The following GABRB1 variants were observed in gnomAD, a reference collection of about 807,000 sequenced individuals.
The protein encoded by GABRB1 is gamma-aminobutyric acid type A receptor subunit beta1.
A neutral mutation model predicts 51.6 loss-of-function variants in GABRB1; 17 were observed. The ratio of observed to expected loss-of-function variants is 0.33; its 90% CI spans 0.23 to 0.49. GABRB1 has a LOEUF of 0.49. GABRB1 is among the 20% of genes least tolerant of loss of function. The pLI, the probability that GABRB1 is intolerant of heterozygous loss-of-function variation, is 0.99. For missense variants in GABRB1, 410 were observed against 600.6 expected, an observed-to-expected ratio of 0.68 and a Z score of 3.32; for synonymous variants, 247 against 218.9, an observed-to-expected ratio of 1.13 and a Z score of -1.14.
chr4:47,250,133 T>C (rs979585937), intron 4 of GABRB1, among the ~76,000 whole-genome samples: 1 of 152,210 alleles, frequency 6.6e-6, no homozygotes, highest in African/African-American at 2.4e-5. Context: ...ACAGTTCTTA[T>C]AGTGGTGGCT....
intron 5 of GABRB1, among the ~76,000 whole-genome samples, chr4:47,347,644 AT>A (rs1456812790): frequency 1.3e-5 from 2 of 152,190 alleles, no homozygotes; most frequent in East Asian, 3.8e-4. Flanking sequence ...TGAAAAAAAA[AT>A]GATGTCTGAC....
intron 3 of GABRB1, among the ~76,000 whole-genome samples, chr4:47,036,339 C>G (rs1405415057): frequency 1.3e-5 from 2 of 152,172 alleles, no homozygotes; most frequent in African/African-American, 2.4e-5. Context: ...TGACTCAAAA[C>G]AGTAACTGCT....
chr4:47,152,943 T>C lies in GABRB1; in HGVS notation c.241-8306T>C, dbSNP rs73136318. Reference sequence around the variant, plus strand: ...AATGCAAGCACTTATTAAACTGATATCCTCCTACTCGATCATTTTGTATCC... The same window carrying C: ...AATGCAAGCACTTATTAAACTGATACCCTCCTACTCGATCATTTTGTATCC... On this transcript the variant is annotated intron_variant, in intron 3 of 8. Coordinates refer to ENST00000295454, the MANE Select transcript of GABRB1 (RefSeq NM_000812.4). 8.6e-3 allele frequency among the ~76,000 whole-genome samples: 1,307 copies of C among 152,090 alleles called. 21 individuals carry two copies. The highest frequency in any genetic ancestry group is 0.03 in the African/African-American group (1,227 of 41,520).
chr4:47,401,399 G>C (rs1728379188), intron 5 of GABRB1, among the ~76,000 whole-genome samples: 1 of 152,206 alleles, frequency 6.6e-6, no homozygotes, highest in South Asian at 2.1e-4. Context: ...GATGACAGAA[G>C]TTCCTCCAGA....
chr4:47,256,856 G>C (rs996995702), intron 4 of GABRB1, among the ~76,000 whole-genome samples: 7 of 152,150 alleles, frequency 4.6e-5, no homozygotes, highest in African/African-American at 1.7e-4. Context: ...ATTTGGACGT[G>C]GACACAAATC....
chr4:47,034,115 G>C, intron 3 of GABRB1, among the ~76,000 whole-genome samples: 1 of 152,058 alleles, frequency 6.6e-6, no homozygotes, highest in East Asian at 1.9e-4. Context: ...TATCTTGTAA[G>C]CATCCACAGA....
intron 3 of GABRB1, among the ~76,000 whole-genome samples, chr4:47,048,372 A>G (rs1490667504): frequency 6.6e-6 from 1 of 152,152 alleles, no homozygotes; most frequent in African/African-American, 2.4e-5. Context: ...TAATTAATGA[A>G]GAGGAGACAC....
chr4:47,391,930 G>C (rs528880596), intron 5 of GABRB1, among the ~76,000 whole-genome samples: 22 of 152,156 alleles, frequency 1.4e-4, no homozygotes, highest in Non-Finnish European at 3.2e-4. Context: ...AAAGGGTAGA[G>C]ATAAACACAA....
intron 4 of GABRB1, among the ~76,000 whole-genome samples, chr4:47,285,601 C>A (rs987310370): frequency 1.3e-5 from 2 of 152,144 alleles, no homozygotes. Context: ...GGAGTTGGTT[C>A]CTAGAGTGGT....
chr4:47,252,218 T>C (rs1019918623), intron 4 of GABRB1, among the ~76,000 whole-genome samples: 10 of 151,888 alleles, frequency 6.6e-5, no homozygotes, highest in Non-Finnish European at 1.2e-4. Context: ...CCCCTGTATT[T>C]CTCTTGGGTC....
At chr4:47,139,977 A>G (rs1436301645) in intron 3 of GABRB1, among the ~76,000 whole-genome samples, 1 of 152,018 alleles carries the variant, frequency 6.6e-6, no homozygotes, top group Non-Finnish European at 1.5e-5. Flanking sequence ...TAATCTATGG[A>G]AAAATGAAGA....
chr4:47,100,082 A>AG (rs1714655288), intron 3 of GABRB1, among the ~76,000 whole-genome samples: 2 of 152,000 alleles, frequency 1.3e-5, no homozygotes, highest in African/African-American at 4.8e-5. Flanking sequence ...AAAAGACTTA[A>AG]GGGGGTGTTT....
chr4:47,187,156 T>C (rs1043152034), intron 4 of GABRB1, among the ~76,000 whole-genome samples: 1 of 151,776 alleles, frequency 6.6e-6, no homozygotes, highest in Non-Finnish European at 1.5e-5. Flanking sequence ...ACAGCTTACC[T>C]ATGATCCCCT....
At chr4:47,361,843 G>A (rs1426141251) in intron 5 of GABRB1, among the ~76,000 whole-genome samples, 1 of 152,136 alleles carries the variant, frequency 6.6e-6, no homozygotes, top group Non-Finnish European at 1.5e-5. Flanking sequence ...TTGAACTTGA[G>A]GTGGCTTTAA....
intron 3 of GABRB1, among the ~76,000 whole-genome samples, chr4:47,152,179 A>G (rs563383250): frequency 8.5e-4 from 129 of 152,072 alleles, no homozygotes; most frequent in African/African-American, 2.9e-3. Context: ...GAAAGTCTCC[A>G]TTTATGTTTT....
chr4:47,112,611 A>G (rs2109630595), intron 3 of GABRB1, among the ~76,000 whole-genome samples: 1 of 152,348 alleles, frequency 6.6e-6, no homozygotes, highest in Non-Finnish European at 1.5e-5. Flanking sequence ...AAACATATAT[A>G]GAAAGTGCAT....
At chr4:47,032,180 G>A (rs921569079) in intron 2 of GABRB1, among the ~76,000 whole-genome samples, 175 bp downstream of exon 2, 3 of 147,140 alleles carry the variant, frequency 2.0e-5, no homozygotes, top group Non-Finnish European at 4.5e-5. Context: ...CCCAGTCTCA[G>A]GTGGATGAAT....
intron 1 of GABRB1, among the ~76,000 whole-genome samples, chr4:47,012,350 C>G (rs1203270946): frequency 6.6e-6 from 1 of 152,094 alleles, no homozygotes; most frequent in East Asian, 1.9e-4. Flanking sequence ...CCTCCTCCCA[C>G]CCTCCACCCT....
rs1728267516 is a variant in GABRB1, at chr4:47,398,649, A to G, written c.545-4669A>G. On this transcript the variant is annotated intron_variant, in intron 5 of 8. Transcript: ENST00000295454. ...GCCCAGGATGGAGTGCAGTGGCGCC[A>G]TCTCTGCTCACCGCAATCTCCGCCT... Among the ~76,000 whole-genome samples the G allele has an allele frequency of 2.0e-5, 3 of 152,210 alleles. No individual in the cohort carries two copies. In the South Asian group the frequency reaches 6.2e-4, roughly 32 times the overall value.
Sources: allele counts gnomAD v4.1 joint callset (sites outside exome capture counted in the v4.1 genomes callset), GRCh38; gene constraint gnomAD v4.1.1; transcripts MANE v1.5; gene names NCBI Gene and HGNC (gene_info 2026-07-23, HGNC 2026-07-21).